The following SOCS3 variants were observed in gnomAD, a reference collection of about 807,000 sequenced individuals.
SOCS3 encodes the protein suppressor of cytokine signaling 3, also known as STAT-induced STAT inhibitor 3.
SOCS3 carries 5 observed loss-of-function variants against 11.7 expected under a neutral mutation model. That is an observed-to-expected ratio of 0.43 (90% CI 0.22 to 0.90). The LOEUF (loss-of-function observed/expected upper bound fraction) is 0.90. SOCS3 is among the 40% of genes least tolerant of loss of function. SOCS3 has a pLI of 0.27. For missense variants in SOCS3, 203 were observed against 302.0 expected (o/e 0.67, Z 2.43); for synonymous variants, 143 against 136.3 (o/e 1.05, Z -0.34).
In SOCS3 at chr17:78,358,376, G is replaced by A; in HGVS notation, c.*42C>T. On this transcript the variant is annotated 3_prime_UTR_variant, in exon 2 of 2. Coordinates refer to ENST00000330871, the MANE Select transcript of SOCS3 (RefSeq NM_003955.5). This position sits in a 1 kb window ranked among gnomAD's most constrained non-coding sequence, Gnocchi z 4.7. The stretch of plus-strand genomic sequence containing the variant: ...CATGTGCCACGGAGGAGAGGGGCCT[G>A]CGTCCCCTCTCCCGACCCATGCCCT... 1 of 1,577,816 alleles carries A rather than the reference G, an allele frequency of 6.3e-7. No homozygotes were observed. Among genetic ancestry groups the A allele is most frequent in the Non-Finnish European group, 8.7e-7 (1 of 1,148,212 alleles).
Position 78,358,939 on chromosome 17 carries a change from C to T in SOCS3, c.157G>A (p.Gly53Ser). 1 of 1,588,938 alleles carries T rather than the reference C, an allele frequency of 6.3e-7. No individual in the cohort carries two copies. Among genetic ancestry groups the T allele is most frequent in the Non-Finnish European group, 8.6e-7 (1 of 1,168,932 alleles). Residue 53 changes from glycine to serine, a missense_variant, in exon 2 of 2, where the codon GGC becomes AGC. Transcript: ENST00000330871. The surrounding 1 kb of genome is among the most constrained non-coding windows in gnomAD (Gnocchi z 4.7). Reference protein sequence around the residue: ...ESGFYWSAVTGGEANLLLSAE... With the variant: ...ESGFYWSAVTSGEANLLLSAE... ...CTGAGCAGCAGGTTCGCCTCGCCGCCGGTCACTGCGCTCCAGTAGAAGCCG... is the reference window on the plus strand; with the variant it reads ...CTGAGCAGCAGGTTCGCCTCGCCGCTGGTCACTGCGCTCCAGTAGAAGCCG...
Position 78,358,653 on chromosome 17 carries a change from G to A in SOCS3, c.443C>T (p.Pro148Leu). The A allele has an allele frequency of 6.2e-7, 1 of 1,605,788 alleles. No homozygotes were observed. Among genetic ancestry groups the A allele is most frequent in the Non-Finnish European group, 8.5e-7 (1 of 1,174,722 alleles). ...GAGTGGCTGGGCAGACGGCTGCTCG[G>A]GCACCTCGGAGGAGGGTTCAGTAGG... is the stretch of plus-strand genomic sequence containing the variant. ...SPPTEPSSEV[P>L]EQPSAQPLPG... Residue 148 changes from proline to leucine, a missense_variant, in exon 2 of 2, where the codon CCC (proline) becomes CTC (leucine). Pro to Leu is a moderately conservative substitution (Grantham distance 98, BLOSUM62 -3). Coordinates refer to ENST00000330871, the MANE Select transcript of SOCS3 (RefSeq NM_003955.5). This position sits in a 1 kb window ranked among gnomAD's most constrained non-coding sequence, Gnocchi z 4.7.
At position 78,359,074 on chromosome 17, in the gene SOCS3, G is replaced by A; in HGVS notation, c.22C>T (p.Pro8Ser). 1 of 1,565,062 alleles carries A rather than the reference G, an allele frequency of 6.4e-7. No individual in the cohort carries two copies. Among genetic ancestry groups the A allele is most frequent in the Non-Finnish European group, 8.7e-7 (1 of 1,155,220 alleles). Residue 8 changes from proline (P) to serine (S), a missense_variant, in exon 2 of 2, where the codon CCC becomes TCC. Pro to Ser is a moderately conservative substitution (Grantham distance 74). Around this residue, in one of 3 missense-constraint regions of SOCS3, gnomAD observed 57 missense variants for 74.2 expected, o/e 0.77. Coordinates refer to ENST00000330871, the MANE Select transcript of SOCS3 (RefSeq NM_003955.5). ...AGGGGGCGGCTCATCCCGGCGGCGG[G>A]AAACTTGCTGTGGGTGACCATGGCG... MVTHSKF[P>S]AAGMSRPLDT... is the part of the protein sequence containing the mutation.
At chr17:78,360,537 G>T (rs573358961), upstream of SOCS3, 1 of 152,354 alleles carries the variant, frequency 6.6e-6, no homozygotes, top group East Asian at 1.9e-4. This position sits in a 1 kb window ranked among gnomAD's most constrained non-coding sequence, Gnocchi z 5.6. Flanking sequence ...ACCCCGCGGG[G>T]ACACCCCCTC....
Position 78,359,974 on chromosome 17 carries a change from G to T in SOCS3, c.-313C>A. On this transcript the variant is annotated 5_prime_UTR_variant, in exon 1 of 2. Coordinates refer to ENST00000330871, the MANE Select transcript of SOCS3 (RefSeq NM_003955.5). ...CCGGGAGGGGACCAGGAGAGGGACC[G>T]CGGCAAGGGGCCGCGGCGGGAGCTG... The T allele has an allele frequency of 5.2e-6, 1 of 192,128 alleles. No homozygotes were observed. The highest frequency in any genetic ancestry group is 2.4e-5 in the African/African-American group (1 of 42,266). 11.9% of individuals were successfully genotyped at this position (192,128 alleles called of 1,614,324 possible). A position where few individuals can be genotyped will look rare whatever the true frequency, so the allele number is the denominator to read the frequency against.
chr17:78,360,199 G>A (rs1025765227), upstream of SOCS3: 2 of 152,368 alleles, frequency 1.3e-5, no homozygotes, highest in Admixed American at 6.6e-5. The surrounding 1 kb of genome is among the most constrained non-coding windows in gnomAD (Gnocchi z 5.6). Context: ...GAAAGGCTGA[G>A]CGCGGAGGGT....
In SOCS3 at chr17:78,358,946, T is replaced by C. The variant is rs746626708; in HGVS notation, c.150A>G (p.Ala50=). The C allele has an allele frequency of 2.5e-5, 39 of 1,587,404 alleles. No homozygotes were observed. In the South Asian group the frequency reaches 3.2e-4, roughly 13 times the overall value. ...GCAGGTTCGCCTCGCCGCCGGTCAC[T>C]GCGCTCCAGTAGAAGCCGCTCTCCT... ...KLQESGFYWS[A]VTGGEANLLL... The change falls in exon 2 of 2, where the codon GCA becomes GCG. Residue 50 remains alanine (A), a synonymous_variant. Transcript: ENST00000330871. This position sits in a 1 kb window ranked among gnomAD's most constrained non-coding sequence, Gnocchi z 4.7.
chr17:78,359,130 G>GGCTGCA lies in SOCS3; in HGVS notation c.-41_-36dup, dbSNP rs1287887236. 1 of 1,524,562 alleles carries GGCTGCA rather than the reference G, an allele frequency of 6.6e-7. No homozygotes were observed. The highest frequency in any genetic ancestry group is 1.2e-5 in the South Asian group (1 of 83,060). The allele number at this position is 1,524,562 out of a possible 1,614,324, so 94.4% of individuals were successfully genotyped here. A position where few individuals can be genotyped will look rare whatever the true frequency, so the allele number is the denominator to read the frequency against. On this transcript the variant is annotated 5_prime_UTR_variant, in exon 2 of 2. Transcript: ENST00000330871. Reference sequence around the variant, plus strand: ...AGCCAGCGTGGATCTGCGCGGCGGCGGCTGCAGCTGCTTCGCGGCCTCCGC... The same window carrying GGCTGCA: ...AGCCAGCGTGGATCTGCGCGGCGGCGGCTGCAGCTGCAGCTGCTTCGCGGCCTCCGC...
At position 78,358,364 on chromosome 17, in the gene SOCS3, G is replaced by A. The variant is rs1163336386; in HGVS notation, c.*54C>T. The stretch of plus-strand genomic sequence containing the variant: ...TTGTGCTTGTGCCATGTGCCACGGA[G>A]GAGAGGGGCCTGCGTCCCCTCTCCC... On this transcript the variant is annotated 3_prime_UTR_variant, in exon 2 of 2. Coordinates refer to ENST00000330871, the MANE Select transcript of SOCS3 (RefSeq NM_003955.5). This position sits in a 1 kb window ranked among gnomAD's most constrained non-coding sequence, Gnocchi z 4.7. The A allele has an allele frequency of 4.5e-6, 7 of 1,572,204 alleles. No individual in the cohort carries two copies. Among genetic ancestry groups the A allele is most frequent in the South Asian group, 3.3e-5 (3 of 90,002 alleles).
intron 1 of SOCS3, 55 bp from the exon 2 acceptor site, chr17:78,359,238 G>C: frequency 1.3e-6 from 1 of 781,728 alleles, no homozygotes; most frequent in East Asian, 3.2e-5. Context: ...CAGCGCGCCC[G>C]GCCCGCCCCG....
Position 78,358,247 on chromosome 17 carries a change from C to T in SOCS3, c.*171G>A, listed in dbSNP as rs1399318060. The T allele has an allele frequency of 7.8e-6, 5 of 640,950 alleles. No individual in the cohort carries two copies. The highest frequency in any genetic ancestry group is 2.9e-5 in the Admixed American group (1 of 34,582). 39.7% of individuals were successfully genotyped at this position (640,950 alleles called of 1,614,324 possible). A position where few individuals can be genotyped will look rare whatever the true frequency, so the allele number is the denominator to read the frequency against. ...CCTTCCCTCCAACACATTCCAGGTC[C>T]GCCTGCCACATTCTGCAGGGAGAGG... On this transcript the variant is annotated 3_prime_UTR_variant, in exon 2 of 2. Coordinates refer to ENST00000330871, the MANE Select transcript of SOCS3 (RefSeq NM_003955.5). This position sits in a 1 kb window ranked among gnomAD's most constrained non-coding sequence, Gnocchi z 4.7.
chr17:78,360,311 C>T (rs1056962827), upstream of SOCS3: 3 of 150,564 alleles, frequency 2.0e-5, no homozygotes, highest in African/African-American at 7.3e-5. This position sits in a 1 kb window ranked among gnomAD's most constrained non-coding sequence, Gnocchi z 5.6. Flanking sequence ...CCGAGGCGGC[C>T]GGTGGGCGCG....
At position 78,358,414 on chromosome 17, in the gene SOCS3, C is replaced by A. The variant is rs1387855651; in HGVS notation, c.*4G>T. 1.2e-6 allele frequency: 2 copies of A among 1,613,494 alleles called. No homozygotes were observed. The highest frequency in any genetic ancestry group is 1.1e-5 in the South Asian group (1 of 91,088). ...CGACCCATGCCCTTTGCGCCCTTTA[C>A]CCCTTAAAGCGGGGCATCGTACTGG... is the stretch of plus-strand genomic sequence containing the variant. On this transcript the variant is annotated 3_prime_UTR_variant, in exon 2 of 2. Coordinates refer to ENST00000330871, the MANE Select transcript of SOCS3 (RefSeq NM_003955.5). The surrounding 1 kb of genome is among the most constrained non-coding windows in gnomAD (Gnocchi z 4.7).
In SOCS3 at chr17:78,358,769, C is replaced by T. The variant is rs563892603; in HGVS notation, c.327G>A (p.Arg109=). The T allele has an allele frequency of 6.2e-6, 10 of 1,612,854 alleles. No homozygotes were observed. Among genetic ancestry groups the T allele is most frequent in the Non-Finnish European group, 8.5e-6 (10 of 1,179,848 alleles). The change falls in exon 2 of 2, where the codon CGG becomes CGA. Residue 109 remains arginine, a synonymous_variant. Transcript: ENST00000330871. The surrounding 1 kb of genome is among the most constrained non-coding windows in gnomAD (Gnocchi z 4.7). ...CGAAGCGGGGCACGGGCTGCGTGCT[C>T]CGGGGATCGCTCTGCAGAGAGAAGC... is the stretch of plus-strand genomic sequence containing the variant. The part of the protein sequence containing the change: ...GGSFSLQSDP[R]STQPVPRFDC...
Position 78,357,104 on chromosome 17 carries a change from GC to G in SOCS3, c.*1313del, listed in dbSNP as rs550408744. On this transcript the variant is annotated 3_prime_UTR_variant, in exon 2 of 2. Coordinates refer to ENST00000330871, the MANE Select transcript of SOCS3 (RefSeq NM_003955.5). This position sits in a 1 kb window ranked among gnomAD's most constrained non-coding sequence, Gnocchi z 7.0. ...CAGAATACTTTGTGTTTGTTTAGTT[GC>G]CCCCCCCCACAAAAACAAAAACAAA... 1,455 of 150,284 alleles carry G rather than the reference GC, an allele frequency of 9.7e-3. 11 individuals carry two copies. The highest frequency in any genetic ancestry group is 0.012 in the Non-Finnish European group (812 of 67,484). 9.3% of individuals were successfully genotyped at this position (150,284 alleles called of 1,614,324 possible).
Position 78,359,940 on chromosome 17 carries a change from C to A in SOCS3, c.-279G>T. ...CGCCCGCCCTGCCCCCTGCGCACCC[C>A]CGGACCAACCGGGAGGGGACCAGGA... On this transcript the variant is annotated 5_prime_UTR_variant, in exon 1 of 2. Transcript: ENST00000330871. 5.7e-6 allele frequency: 1 copy of A among 176,936 alleles called. No individual in the cohort carries two copies. The highest frequency in any genetic ancestry group is 2.0e-4 in the South Asian group (1 of 5,016). The allele number at this position is 176,936 out of a possible 1,614,324, so 11.0% of individuals were successfully genotyped here. A position where few individuals can be genotyped will look rare whatever the true frequency, so the allele number is the denominator to read the frequency against.
rs1467586026 is a variant in SOCS3 at position 78,358,588 on chromosome 17, C to T, written c.508G>A (p.Gly170Arg). Residue 170 changes from glycine (G) to arginine (R), a missense_variant, in exon 2 of 2, where the codon GGG (glycine) becomes AGG (arginine). Transcript: ENST00000330871. The surrounding 1 kb of genome is among the most constrained non-coding windows in gnomAD (Gnocchi z 4.7). ...AACACCAGGGGGATCTTCTCGCCCC[C>T]GGAGTAGATGTAATAGGCTCTTCTG... Reference protein sequence around the residue: ...PPRRAYYIYSGGEKIPLVLSR... With the variant: ...PPRRAYYIYSRGEKIPLVLSR... 3 of 1,612,868 alleles carry T rather than the reference C, an allele frequency of 1.9e-6. No individual in the cohort carries two copies. The highest frequency in any genetic ancestry group is 1.7e-6 in the Non-Finnish European group (2 of 1,179,838).
Position 78,359,078 on chromosome 17 carries a change from C to CT in SOCS3, c.17dup (p.Phe7ValfsTer92). On this transcript the variant is annotated frameshift_variant, in exon 2 of 2. Coordinates refer to ENST00000330871, the MANE Select transcript of SOCS3 (RefSeq NM_003955.5). LOFTEE classifies it high-confidence loss of function. ...GGCGGCTCATCCCGGCGGCGGGAAA[C>CT]TTGCTGTGGGTGACCATGGCGCACG... 1 of 1,563,794 alleles carries CT rather than the reference C, an allele frequency of 6.4e-7. No individual in the cohort carries two copies. Among genetic ancestry groups the CT allele is most frequent in the Non-Finnish European group, 8.7e-7 (1 of 1,154,600 alleles).
Position 78,359,086 on chromosome 17 carries a change from G to T in SOCS3, c.10C>A (p.His4Asn). The change falls in exon 2 of 2, where the codon CAC becomes AAC. Residue 4 changes from histidine to asparagine, a missense_variant. Physicochemically the swap from His to Asn is moderately conservative, Grantham distance 68. Transcript: ENST00000330871. MVT[H>N]SKFPAAGMSR... Reference sequence around the variant, plus strand: ...ATCCCGGCGGCGGGAAACTTGCTGTGGGTGACCATGGCGCACGGAGCCAGC... The same window carrying T: ...ATCCCGGCGGCGGGAAACTTGCTGTTGGTGACCATGGCGCACGGAGCCAGC... 6.4e-7 allele frequency: 1 copy of T among 1,559,164 alleles called. No homozygotes were observed. The highest frequency in any genetic ancestry group is 8.7e-7 in the Non-Finnish European group (1 of 1,152,208).
Sources: allele counts gnomAD v4.1 joint callset, GRCh38; gene constraint gnomAD v4.1.1; regional missense constraint gnomAD v4.1.1; non-coding constraint Gnocchi (gnomAD v3.1); transcripts MANE v1.5; gene names NCBI Gene and HGNC (gene_info 2026-07-23, HGNC 2026-07-21).